NCKAP5: variants seen among roughly 807,000 people sequenced by gnomAD.
The protein encoded by NCKAP5 is NCK associated protein 5.
In NCKAP5, 92 loss-of-function variants were observed where a neutral mutation model predicts 167.0. That is an observed-to-expected ratio of 0.55 (90% CI 0.47 to 0.66). The LOEUF is 0.66. Ranked by LOEUF, NCKAP5 falls within the 30% of genes least tolerant of loss-of-function variation. The probability of loss-of-function intolerance (pLI) is 0.00; values close to 1 mark genes in which losing one functional copy is unlikely to be tolerated. For missense variants in NCKAP5, 2,378 were observed against 2,315.0 expected (o/e 1.03, Z -0.56); for synonymous variants, 891 against 877.4 (o/e 1.02, Z -0.27).
At chr2:132,691,460 C>T (rs1686718306) in intron 19 of NCKAP5, among the ~76,000 whole-genome samples, 1 of 152,138 alleles carries the variant, frequency 6.6e-6, no homozygotes, top group African/African-American at 2.4e-5. Flanking sequence ...CATAATGGTC[C>T]AGGGACACGT....
rs60864377 is a variant in NCKAP5, at chr2:132,721,013, CA to C, written c.5713+4613del. On this transcript the variant is annotated intron_variant, in intron 19 of 19. Transcript: ENST00000409261. ...CTAGGTACACAGTGAGACTCCATCT[CA>C]AAAAAAAAAAAAATGCTGTGCACAG... Among the ~76,000 whole-genome samples the C allele has an allele frequency of 8.8e-3, 1,196 of 135,552 alleles. 9 individuals are homozygous for C. Among genetic ancestry groups the C allele is most frequent in the African/African-American group, 0.026 (959 of 36,828 alleles). The allele number at this position is 135,552 out of a possible 152,430, so 88.9% of individuals were successfully genotyped here. A position where few individuals can be genotyped will look rare whatever the true frequency, so the allele number is the denominator to read the frequency against.
At chr2:133,036,168 G>A (rs534070097) in intron 6 of NCKAP5, among the ~76,000 whole-genome samples, 9 of 151,754 alleles carry the variant, frequency 5.9e-5, no homozygotes, top group African/African-American at 2.2e-4. Flanking sequence ...TAACAAGATC[G>A]ATGCCACAAT....
intron 11 of NCKAP5, among the ~76,000 whole-genome samples, chr2:132,804,184 T>C (rs1384196002): frequency 2.0e-5 from 3 of 152,090 alleles, no homozygotes; most frequent in Non-Finnish European, 4.4e-5. Flanking sequence ...CAGTCAGACG[T>C]GTGGGCAGGA....
At chr2:132,860,199 C>A (rs1689783848) in intron 11 of NCKAP5, among the ~76,000 whole-genome samples, 1 of 152,174 alleles carries the variant, frequency 6.6e-6, no homozygotes, top group African/African-American at 2.4e-5. Flanking sequence ...CCAAAGCAAT[C>A]AATTATTTCC....
chr2:133,007,161 C>A (rs556930658), intron 6 of NCKAP5, among the ~76,000 whole-genome samples: 1 of 152,160 alleles, frequency 6.6e-6, no homozygotes, highest in Non-Finnish European at 1.5e-5. Context: ...CAACTTAGGA[C>A]AGATCACATT....
At chr2:133,368,096 A>G (rs1000808255) in intron 3 of NCKAP5, among the ~76,000 whole-genome samples, 34 of 152,324 alleles carry the variant, frequency 2.2e-4, no homozygotes, top group African/African-American at 7.5e-4. Context: ...GAGAAAACAA[A>G]TTAGAGGTCA....
At chr2:133,205,930 T>C (rs1363161521) in intron 5 of NCKAP5, among the ~76,000 whole-genome samples, 1 of 152,200 alleles carries the variant, frequency 6.6e-6, no homozygotes, top group East Asian at 1.9e-4. Flanking sequence ...ATTCATTTTA[T>C]ATACAGCAAT....
chr2:133,271,136 G>A (rs2089493410), intron 4 of NCKAP5, among the ~76,000 whole-genome samples: 1 of 146,118 alleles, frequency 6.8e-6, no homozygotes, highest in Admixed American at 6.9e-5. Context: ...GTTTCATCGT[G>A]TTAGCCAGGA....
intron 11 of NCKAP5, among the ~76,000 whole-genome samples, chr2:132,808,958 T>C (rs1043647969): frequency 6.6e-6 from 1 of 152,142 alleles, no homozygotes. Context: ...GAGGTTTTGA[T>C]AGATTGTGTC....
the NCKAP5 span, among the ~76,000 whole-genome samples, chr2:133,624,005 T>C: frequency 1.3e-5 from 2 of 152,118 alleles, no homozygotes; most frequent in East Asian, 3.9e-4. Flanking sequence ...CTGCATGGAA[T>C]TGGAGACCAT....
chr2:133,543,420 A>G (rs954873926), intron 2 of NCKAP5, among the ~76,000 whole-genome samples: 10 of 152,196 alleles, frequency 6.6e-5, no homozygotes, highest in African/African-American at 2.4e-4. Flanking sequence ...AAATGGACTA[A>G]TACAAGGTAC....
upstream of NCKAP5, among the ~76,000 whole-genome samples, chr2:133,573,215 G>T (rs547509551): frequency 1.3e-5 from 2 of 152,290 alleles, no homozygotes; most frequent in Admixed American, 1.3e-4. Context: ...ACCATAAAGT[G>T]AGCATAAGGA....
chr2:133,021,477 A>G (rs2078525288), intron 6 of NCKAP5, among the ~76,000 whole-genome samples: 1 of 152,236 alleles, frequency 6.6e-6, no homozygotes, highest in Non-Finnish European at 1.5e-5. Context: ...AGTTTCTAAT[A>G]TATCTCTGTG....
At chr2:132,734,076 G>A (rs1691286958) in intron 16 of NCKAP5, among the ~76,000 whole-genome samples, 1 of 152,094 alleles carries the variant, frequency 6.6e-6, no homozygotes, top group Non-Finnish European at 1.5e-5. Context: ...GGATTACAAG[G>A]GTTTTAGCCT....
intron 5 of NCKAP5, among the ~76,000 whole-genome samples, chr2:133,160,795 T>A (rs2083765442): frequency 6.6e-6 from 1 of 152,132 alleles, no homozygotes; most frequent in African/African-American, 2.4e-5. Flanking sequence ...GTCCCAGAGT[T>A]TTCTCCTTTA....
intron 3 of NCKAP5, among the ~76,000 whole-genome samples, chr2:133,323,993 T>G (rs560473404): frequency 3.2e-4 from 49 of 152,352 alleles, no homozygotes; most frequent in African/African-American, 1.0e-3. Context: ...GTCCTAGCTA[T>G]GTGAGTTAGA....
chr2:133,165,487 T>C (rs1463266526), intron 5 of NCKAP5, among the ~76,000 whole-genome samples: 1 of 152,332 alleles, frequency 6.6e-6, no homozygotes, highest in Middle Eastern at 3.4e-3. Context: ...CCATGCAATG[T>C]GAAACCATCT....
At chr2:133,577,332 A>T in the NCKAP5 span, among the ~76,000 whole-genome samples, 1 of 152,152 alleles carries the variant, frequency 6.6e-6, no homozygotes, top group Admixed American at 6.5e-5. Flanking sequence ...ATACACATGA[A>T]TACAAAAGTA....
At chr2:133,180,251 A>G (rs919590805) in intron 5 of NCKAP5, among the ~76,000 whole-genome samples, 5 of 152,242 alleles carry the variant, frequency 3.3e-5, no homozygotes, top group African/African-American at 1.2e-4. Context: ...AAATCAAGAC[A>G]TCTCAAATAA....
Sources: gnomAD v4.1 joint callset for allele counts (sites outside exome capture counted in the v4.1 genomes callset) on GRCh38, gnomAD v4.1.1 for gene constraint, MANE v1.5 for transcripts, NCBI Gene and HGNC (gene_info 2026-07-23, HGNC 2026-07-21) for gene names.